CD72: variants seen among roughly 807,000 people sequenced by gnomAD.
CD72 encodes CD72 molecule.
CD72 carries 28 observed loss-of-function variants against 50.7 expected under a neutral mutation model. That is an observed-to-expected ratio of 0.55 (90% confidence interval 0.41 to 0.76). The LOEUF is 0.76. Ranked by LOEUF, CD72 falls within the 30% of genes least tolerant of loss-of-function variation. The probability of loss-of-function intolerance (pLI) is 0.00; values close to 1 mark genes in which losing one functional copy is unlikely to be tolerated. For missense variants in CD72, 403 were observed against 420.6 expected (o/e 0.96, Z 0.37); for synonymous variants, 176 against 171.2 (o/e 1.03, Z -0.22).
intron 7 of CD72, 56 bp from the exon 8 acceptor site, chr9:35,610,809 T>C: frequency 1.4e-6 from 2 of 1,429,046 alleles, no homozygotes; most frequent in South Asian, 2.4e-5. Flanking sequence ...CACCCTCCCT[T>C]CTCTCCCCTT....
chr9:35,634,070 A>G (rs1823269414), intron 1 of CD72, among the ~76,000 whole-genome samples: 1 of 152,108 alleles, frequency 6.6e-6, no homozygotes, highest in Admixed American at 6.6e-5. Flanking sequence ...TATTTACTGT[A>G]ATGAGTGATG....
upstream of CD72, among the ~76,000 whole-genome samples, chr9:35,621,214 T>A (rs923788779): frequency 6.6e-6 from 1 of 152,208 alleles, no homozygotes; most frequent in Non-Finnish European, 1.5e-5. Context: ...CATACTATCA[T>A]CATCTGAGAG....
chr9:35,613,655 G>A (rs1823021601), intron 5 of CD72, among the ~76,000 whole-genome samples: 1 of 152,102 alleles, frequency 6.6e-6, no homozygotes, highest in South Asian at 2.1e-4. Context: ...ATATGCTCAT[G>A]TCCCCACCCT....
upstream of CD72, chr9:35,619,581 A>G (rs568841616): frequency 3.9e-5 from 6 of 152,418 alleles, no homozygotes; most frequent in African/African-American, 1.2e-4. Flanking sequence ...AGCTCTGCCA[A>G]TAGCTCCGCC....
At position 35,611,883 on chromosome 9, in the gene CD72, C is replaced by G. The variant is rs750352931; in HGVS notation, c.871G>C (p.Gly291Arg). 39 of 1,610,250 alleles carry G rather than the reference C, an allele frequency of 2.4e-5. No homozygotes were observed. In the Admixed American group the frequency reaches 6.2e-4, roughly 25 times the overall value. The change falls in exon 7 of 9, where the codon GGT (glycine) becomes CGT (arginine). Residue 291 changes from glycine (G) to arginine (R), a missense_variant. By Grantham distance (125) the Gly-to-Arg change is moderately radical (BLOSUM62 -2). Coordinates refer to ENST00000259633, the MANE Select transcript of CD72 (RefSeq NM_001782.3). Reference protein sequence around the residue: ...YYFLNSLLPNGGSGNSYWTGL... With the variant: ...YYFLNSLLPNRGSGNSYWTGL... ...GTCCAATATGAATTCCCTGAACCAC[C>G]ATTTGGCAACAGTGAATTTAAGAAG...
At chr9:35,644,294 G>A (rs1349664718) in intron 1 of CD72, among the ~76,000 whole-genome samples, 2 of 136,196 alleles carry the variant, frequency 1.5e-5, no homozygotes, top group Non-Finnish European at 3.1e-5. Flanking sequence ...AGGTTGAAGT[G>A]AGCCAAGATC....
upstream of CD72, chr9:35,618,982 G>A (rs946660476): frequency 6.2e-6 from 2 of 320,434 alleles, no homozygotes; most frequent in Non-Finnish European, 1.2e-5. Flanking sequence ...GAGCAAGGGA[G>A]TTGCAGAGGG....
chr9:35,611,899 A>T lies in CD72; in HGVS notation c.855T>A (p.Asn285Lys). 6.3e-7 allele frequency: 1 copy of T among 1,597,324 alleles called. No individual in the cohort carries two copies. The highest frequency in any genetic ancestry group is 8.6e-7 in the Non-Finnish European group (1 of 1,164,620). Residue 285 changes from asparagine to lysine, a missense_variant, in exon 7 of 9, where the codon AAT (asparagine) becomes AAA (lysine). Physicochemically the swap from Asn to Lys is moderately conservative, Grantham distance 94. Transcript: ENST00000259633. The part of the protein sequence containing the change: ...YPQSHSYYFL[N>K]SLLPNGGSGN... ...CTGAACCACCATTTGGCAACAGTGA[A>T]TTTAAGAAGTAGTAAGAGTGCTGAG...
rs372234240 is a variant in CD72, at chr9:35,616,622, G to A, written c.330C>T (p.Thr110=). Residue 110 remains threonine, a synonymous_variant, in exon 4 of 9, where the codon ACC becomes ACT. Coordinates refer to ENST00000259633, the MANE Select transcript of CD72 (RefSeq NM_001782.3). ...LLLTCLLLGV[T]AICLGVRYLQ... ...CACAGCGCACTCCCAGGCAGATGGC[G>A]GTCACTCCTAACAGCAGGCAGGTGA... 3.7e-6 allele frequency: 6 copies of A among 1,613,870 alleles called. No individual in the cohort carries two copies. The highest frequency in any genetic ancestry group is 2.7e-5 in the African/African-American group (2 of 74,900).
upstream of CD72, among the ~76,000 whole-genome samples, chr9:35,622,786 C>CAAAA (rs898134466): frequency 2.7e-5 from 4 of 148,290 alleles, no homozygotes; most frequent in South Asian, 2.1e-4. Flanking sequence ...GACTCTGTCT[C>CAAAA]AAAAAAAATA....
intron 1 of CD72, among the ~76,000 whole-genome samples, chr9:35,634,734 G>C (rs1244275466): frequency 2.0e-5 from 3 of 152,042 alleles, no homozygotes; most frequent in Non-Finnish European, 4.4e-5. Flanking sequence ...TAGACTTCTG[G>C]AACACTTTTA....
chr9:35,618,181 A>T, intron 1 of CD72, 41 bp downstream of exon 1: 1 of 1,607,058 alleles, frequency 6.2e-7, no homozygotes, highest in Non-Finnish European at 8.5e-7. Context: ...TGGGGCGGGA[A>T]GTGGGGATGC....
intron 1 of CD72, among the ~76,000 whole-genome samples, chr9:35,630,406 G>T (rs932734180): frequency 1.3e-5 from 2 of 152,094 alleles, no homozygotes; most frequent in Non-Finnish European, 2.9e-5. Context: ...TTAAAAAATA[G>T]TTTTTTCTTT....
chr9:35,631,360 A>T (rs1403250015), intron 1 of CD72, among the ~76,000 whole-genome samples: 3 of 152,212 alleles, frequency 2.0e-5, no homozygotes, highest in Non-Finnish European at 4.4e-5. Context: ...ATGTCAAATA[A>T]TAAGGATAAT....
At chr9:35,634,732 T>C (rs1177656513) in intron 1 of CD72, among the ~76,000 whole-genome samples, 8 of 152,242 alleles carry the variant, frequency 5.3e-5, no homozygotes, top group Non-Finnish European at 1.5e-5. Context: ...CTTAGACTTC[T>C]GGAACACTTT....
intron 1 of CD72, among the ~76,000 whole-genome samples, chr9:35,642,243 A>G (rs1445772267): frequency 6.6e-6 from 1 of 152,180 alleles, no homozygotes; most frequent in South Asian, 2.1e-4. Flanking sequence ...TCTTTTCTTC[A>G]TTGTCTGGAA....
chr9:35,621,100 C>G (rs1374927894), upstream of CD72, among the ~76,000 whole-genome samples: 2 of 152,174 alleles, frequency 1.3e-5, no homozygotes, highest in African/African-American at 4.8e-5. Context: ...GGCTGGACAT[C>G]AGAAAAGATA....
At chr9:35,617,915 A>T in intron 2 of CD72, 99 bp downstream of exon 2, 1 of 798,168 alleles carries the variant, frequency 1.3e-6, no homozygotes, top group Non-Finnish European at 2.2e-6. Flanking sequence ...TGAGTGACAG[A>T]ACAAGACCCT....
rs1823060298 is a variant in CD72 at position 35,616,097 on chromosome 9, A to G, written c.534T>C (p.His178=). The G allele has an allele frequency of 6.2e-7, 1 of 1,613,914 alleles. No individual in the cohort carries two copies. Among genetic ancestry groups the G allele is most frequent in the African/African-American group, 1.3e-5 (1 of 74,868 alleles). ...CCTGTAGCTGCCCTTCGGCCGCCTG[A>G]TGAGCCCTCTGTTCCACCTGTAGTG... is the stretch of plus-strand genomic sequence containing the variant. ...QEALQVEQRA[H]QAAEGQLQAC... is the part of the protein sequence containing the mutation. Residue 178 remains histidine (H), a synonymous_variant, in exon 5 of 9, where the codon CAT becomes CAC. Transcript: ENST00000259633.
Sources: gnomAD v4.1 joint callset for allele counts (sites outside exome capture counted in the v4.1 genomes callset) on GRCh38, gnomAD v4.1.1 for gene constraint, MANE v1.5 for transcripts, NCBI Gene and HGNC (gene_info 2026-07-23, HGNC 2026-07-21) for gene names.